Variants in ATRNL1 observed in about 807,000 individuals in gnomAD.
ATRNL1 encodes the protein attractin-like protein 1.
In ATRNL1, 95 loss-of-function variants were observed where a neutral mutation model predicts 182.7. The ratio of observed to expected loss-of-function variants is 0.52; its 90% CI spans 0.44 to 0.62. ATRNL1 has a LOEUF of 0.62. ATRNL1 is among the 20% of genes least tolerant of loss of function. ATRNL1 has a pLI of 0.00. For synonymous variants in ATRNL1, 576 were observed against 568.3 expected, an observed-to-expected ratio of 1.01 and a Z score of -0.19; for missense variants, 1,471 against 1,679.5, an observed-to-expected ratio of 0.88 and a Z score of 2.17.
At chr10:115,463,986 G>A (rs768789633) in intron 22 of ATRNL1, among the ~76,000 whole-genome samples, 137 of 152,070 alleles carry the variant, frequency 9.0e-4, no homozygotes, top group Non-Finnish European at 9.4e-4. Context: ...ATATACTTAT[G>A]TCCAGATTAG....
At chr10:115,278,555 T>C (rs1278430069) in intron 13 of ATRNL1, among the ~76,000 whole-genome samples, 1 of 152,232 alleles carries the variant, frequency 6.6e-6, no homozygotes, top group Non-Finnish European at 1.5e-5. Flanking sequence ...GTCTGATCAG[T>C]TGGCAGCATG....
At position 115,732,804 on chromosome 10, in the gene ATRNL1, A is replaced by AT. The variant is rs1175449102; in HGVS notation, c.3903+5457dup. ...TCTTAGACCTTAATATATCTATAGA[A>AT]TTTTTTTTGTAAGGAATAGAGTTAC... is the stretch of plus-strand genomic sequence containing the variant. On this transcript the variant is annotated intron_variant, in intron 27 of 28. Transcript: ENST00000355044. Among the ~76,000 whole-genome samples the AT allele has an allele frequency of 9.9e-5, 15 of 152,056 alleles. No individual in the cohort carries two copies. The East Asian group carries it at 2.5e-3, about 25-fold the overall frequency.
At chr10:115,357,283 GT>G (rs1255975248) in intron 19 of ATRNL1, among the ~76,000 whole-genome samples, 1 of 151,834 alleles carries the variant, frequency 6.6e-6, no homozygotes, top group Non-Finnish European at 1.5e-5. Context: ...ATTTAGTACA[GT>G]TCAGAAGATT....
rs371002997 is a variant in ATRNL1, at chr10:115,185,992, C to G, written c.1348+14700C>G. On this transcript the variant is annotated intron_variant, in intron 8 of 28. Transcript: ENST00000355044. Reference sequence around the variant, plus strand: ...CTCTGTCTCATCTATTCAGTTTTGCCAATTCTGCCATTATAGGGTGAAAGC... The same window carrying G: ...CTCTGTCTCATCTATTCAGTTTTGCGAATTCTGCCATTATAGGGTGAAAGC... Among the ~76,000 whole-genome samples, 30 of 152,044 alleles carry G rather than the reference C, an allele frequency of 2.0e-4. No individual in the cohort carries two copies. The East Asian group carries it at 5.4e-3, about 27-fold the overall frequency.
intron 24 of ATRNL1, among the ~76,000 whole-genome samples, chr10:115,503,605 G>C (rs1216758156): frequency 6.6e-6 from 1 of 152,026 alleles, no homozygotes; most frequent in Non-Finnish European, 1.5e-5. Context: ...TAGTGTATGA[G>C]TGTTTTTGTA....
At chr10:115,122,407 C>T (rs989300094) in intron 3 of ATRNL1, among the ~76,000 whole-genome samples, 15 of 151,354 alleles carry the variant, frequency 9.9e-5, no homozygotes, top group Admixed American at 2.0e-4. Flanking sequence ...TAAAAAGTTT[C>T]GTGAATAGGA....
chr10:115,517,867 GA>G (rs1850719602), intron 24 of ATRNL1, among the ~76,000 whole-genome samples: 1 of 151,742 alleles, frequency 6.6e-6, no homozygotes, highest in Non-Finnish European at 1.5e-5. Flanking sequence ...GACCTGGGAA[GA>G]AAATTCATTC....
intron 8 of ATRNL1, among the ~76,000 whole-genome samples, chr10:115,191,904 G>T (rs1848183374): frequency 6.6e-6 from 1 of 151,976 alleles, no homozygotes; most frequent in Non-Finnish European, 1.5e-5. Flanking sequence ...TGTCTTTTGA[G>T]AAAAGTTCTA....
intron 1 of ATRNL1, among the ~76,000 whole-genome samples, chr10:115,106,362 G>C (rs1029661393): frequency 6.6e-6 from 1 of 152,080 alleles, no homozygotes; most frequent in Non-Finnish European, 1.5e-5. Flanking sequence ...CTCATAAATG[G>C]AAAAAACTTG....
intron 21 of ATRNL1, among the ~76,000 whole-genome samples, chr10:115,445,430 CAAAAAAAAAAAAAA>C (rs34068379): frequency 9.6e-4 from 25 of 26,120 alleles, no homozygotes; most frequent in East Asian, 3.0e-3. Flanking sequence ...GATTTCGCCT[CAAAAAAAAAAAAAA>C]AAAAAAAAAA....
chr10:115,155,238 T>G (rs576788197), intron 5 of ATRNL1, among the ~76,000 whole-genome samples: 1 of 152,154 alleles, frequency 6.6e-6, no homozygotes, highest in African/African-American at 2.4e-5. Context: ...TTCTTTTTTT[T>G]TCTTTTTAAA....
At chr10:115,323,627 A>T (rs1564914040) in intron 18 of ATRNL1, among the ~76,000 whole-genome samples, 1 of 151,680 alleles carries the variant, frequency 6.6e-6, no homozygotes, top group African/African-American at 2.4e-5. Context: ...TATTTTTAGT[A>T]GAGACAGAGT....
intron 26 of ATRNL1, among the ~76,000 whole-genome samples, chr10:115,559,272 A>G (rs1193366771): frequency 6.6e-6 from 1 of 152,208 alleles, no homozygotes; most frequent in African/African-American, 2.4e-5. Context: ...CAGAGATTGC[A>G]TTTGTTATTT....
At chr10:115,534,882 A>T (rs1408848063) in intron 25 of ATRNL1, among the ~76,000 whole-genome samples, 1 of 151,996 alleles carries the variant, frequency 6.6e-6, no homozygotes, top group Non-Finnish European at 1.5e-5. Context: ...GTTTGGCTGG[A>T]TATGAAATTC....
chr10:115,100,755 C>A (rs1459900561), intron 1 of ATRNL1, among the ~76,000 whole-genome samples: 2 of 152,110 alleles, frequency 1.3e-5, no homozygotes, highest in African/African-American at 4.8e-5. Flanking sequence ...TTAGAATCAG[C>A]TTGTCAGTTT....
chr10:115,912,270 A>T (rs1952704124), intron 28 of ATRNL1, among the ~76,000 whole-genome samples: 1 of 152,228 alleles, frequency 6.6e-6, no homozygotes, highest in African/African-American at 2.4e-5. Flanking sequence ...CCATACAATG[A>T]AGGGACAAAA....
chr10:115,096,726 C>T lies in ATRNL1; in HGVS notation c.293+2683C>T. 9 of 1,286,388 alleles carry T rather than the reference C, an allele frequency of 7.0e-6. No homozygotes were observed. The South Asian group carries it at 8.7e-5, about 12-fold the overall frequency. The allele number at this position is 1,286,388 out of a possible 1,614,324, so 79.7% of individuals were successfully genotyped here. A position where few individuals can be genotyped will look rare whatever the true frequency, so the allele number is the denominator to read the frequency against. On this transcript the variant is annotated intron_variant, in intron 1 of 28. Coordinates refer to ENST00000355044, the MANE Select transcript of ATRNL1 (RefSeq NM_207303.4). ...ATAGTTGGGGGAAGAAATGCAGAAG[C>T]AAATATAGTATCAAAAGTGGTACTT...
intron 24 of ATRNL1, among the ~76,000 whole-genome samples, chr10:115,498,654 T>G (rs1849669520): frequency 6.6e-6 from 1 of 151,688 alleles, no homozygotes; most frequent in Non-Finnish European, 1.5e-5. Flanking sequence ...AGATACTTTC[T>G]ATATATAAGT....
chr10:115,381,434 T>G (rs1177466774), intron 19 of ATRNL1, among the ~76,000 whole-genome samples: 1 of 128,362 alleles, frequency 7.8e-6, no homozygotes, highest in African/African-American at 2.9e-5. Flanking sequence ...ACCTGGCAAT[T>G]TTTTTTTTTT....
Sources: allele counts gnomAD v4.1 joint callset (sites outside exome capture counted in the v4.1 genomes callset), GRCh38; gene constraint gnomAD v4.1.1; transcripts MANE v1.5; gene names NCBI Gene and HGNC (gene_info 2026-07-23, HGNC 2026-07-21).